The following MGRN1 variants were observed in gnomAD, a reference collection of about 807,000 sequenced individuals.
MGRN1 encodes the protein mahogunin ring finger 1, also known as E3 ubiquitin-protein ligase MGRN1.
MGRN1 carries 29 observed loss-of-function variants against 69.2 expected under a neutral mutation model. The ratio of observed to expected loss-of-function variants is 0.42; its 90% CI spans 0.31 to 0.57. The LOEUF (loss-of-function observed/expected upper bound fraction) is 0.57, where lower values mean the gene tolerates loss of function less well. Among genes scored for constraint, MGRN1 ranks in the 20% least tolerant of loss-of-function variants. The pLI is 0.15. For synonymous variants in MGRN1, 470 were observed against 344.2 expected (o/e 1.37, Z -4.04); for missense variants, 998 against 796.2 (o/e 1.25, Z -3.05).
In MGRN1 at chr16:4,665,106, G is replaced by A. The variant is rs2078771676; in HGVS notation, c.633G>A (p.Val211=). ...IQAVVDEGDV[V]EVTGHAHVLL... is the part of the protein sequence containing the mutation. The stretch of plus-strand genomic sequence containing the variant: ...CTGCCCCTCTCTCCCCAGCAGTGGT[G>A]GAAGTGACTGGCCACGCCCACGTGC... Residue 211 remains valine, a synonymous_variant, in exon 7 of 17, where the codon GTG becomes GTA. Coordinates refer to ENST00000262370, the MANE Select transcript of MGRN1 (RefSeq NM_015246.4). 6.2e-7 allele frequency: 1 copy of A among 1,614,196 alleles called. No individual in the cohort carries two copies. Among genetic ancestry groups the A allele is most frequent in the South Asian group, 1.1e-5 (1 of 91,088 alleles).
chr16:4,672,442 G>A (rs1253308409), intron 9 of MGRN1: 1 of 456,740 alleles, frequency 2.2e-6, no homozygotes, highest in Admixed American at 2.3e-5. Flanking sequence ...TATGGCATCT[G>A]GGCCCAGGAC....
At chr16:4,647,620 C>G (rs578169419) in intron 1 of MGRN1, among the ~76,000 whole-genome samples, 5 of 152,212 alleles carry the variant, frequency 3.3e-5, no homozygotes, top group African/African-American at 9.7e-5. Flanking sequence ...GCGGTGACCC[C>G]TCAGAAAATG....
In MGRN1 at chr16:4,656,528, G is replaced by A. The variant is rs147707548; in HGVS notation, c.444-718G>A. ...GGACAGCAGGCCTCTGGGAGCAGGC[G>A]TGAGGGTTGGGGAAGATGCATTTTG... On this transcript the variant is annotated intron_variant, in intron 4 of 16. Coordinates refer to ENST00000262370, the MANE Select transcript of MGRN1 (RefSeq NM_015246.4). 1.5e-3 allele frequency among the ~76,000 whole-genome samples: 232 copies of A among 152,376 alleles called. 1 individual carries two copies. Among genetic ancestry groups the A allele is most frequent in the African/African-American group, 4.8e-3 (199 of 41,584 alleles).
chr16:4,683,881 A>G lies in MGRN1; in HGVS notation c.1567A>G (p.Ser523Gly), dbSNP rs1302476598. 8.1e-6 allele frequency: 13 copies of G among 1,600,932 alleles called. No homozygotes were observed. The highest frequency in any genetic ancestry group is 7.7e-5 in the South Asian group (7 of 90,840). Reference protein sequence around the residue: ...AASIENVLQDSSPEHCGRGPP... With the variant: ...AASIENVLQDGSPEHCGRGPP... ...TTCCATTGAGAATGTCCTGCAGGAC[A>G]GCAGCCCCGAGCACTGTGGCCGAGG... Residue 523 changes from serine to glycine, a missense_variant, in exon 16 of 17, where the codon AGC becomes GGC. Physicochemically the swap from Ser to Gly is moderately conservative, Grantham distance 56. Coordinates refer to ENST00000262370, the MANE Select transcript of MGRN1 (RefSeq NM_015246.4).
chr16:4,647,174 A>G (rs1433353632), intron 1 of MGRN1, among the ~76,000 whole-genome samples: 2 of 152,148 alleles, frequency 1.3e-5, no homozygotes, highest in East Asian at 1.9e-4. Flanking sequence ...CGAGTCCTTC[A>G]TGTGGTTTTC....
chr16:4,665,176 T>C (rs756275932), intron 7 of MGRN1, 25 bp downstream of exon 7: 7 of 1,613,794 alleles, frequency 4.3e-6, no homozygotes, highest in Non-Finnish European at 5.9e-6. Flanking sequence ...GCCATCACTT[T>C]CCCGGGGACC....
At chr16:4,626,457 C>T (rs1701026302) in intron 1 of MGRN1, among the ~76,000 whole-genome samples, 2 of 152,314 alleles carry the variant, frequency 1.3e-5, no homozygotes, top group Middle Eastern at 3.4e-3. Flanking sequence ...GTTGCTTAAC[C>T]CCCTGGGTCC....
intron 9 of MGRN1, among the ~76,000 whole-genome samples, chr16:4,673,142 A>G (rs2078978397): frequency 6.6e-6 from 1 of 152,056 alleles, no homozygotes; most frequent in African/African-American, 2.4e-5. Context: ...CTGACCATTA[A>G]CTTGGTTTTT....
intron 5 of MGRN1, 143 bp from the exon 6 acceptor site, chr16:4,664,566 C>G: frequency 2.6e-6 from 2 of 779,790 alleles, no homozygotes; most frequent in South Asian, 1.6e-5. Context: ...CATCCGCCTT[C>G]CCTGCCATCT....
intron 1 of MGRN1, among the ~76,000 whole-genome samples, chr16:4,637,726 G>A (rs1279019632): frequency 1.3e-5 from 2 of 152,246 alleles, no homozygotes; most frequent in Admixed American, 1.3e-4. Context: ...CGTGTGTGAG[G>A]CCATCGCCAC....
chr16:4,672,184 G>A (rs188168541), intron 9 of MGRN1, among the ~76,000 whole-genome samples: 2 of 152,104 alleles, frequency 1.3e-5, no homozygotes. Flanking sequence ...GATTACAGGC[G>A]TGAACCACCG....
At chr16:4,681,278 G>T (rs2079176550) in intron 12 of MGRN1, 6 of 480,578 alleles carry the variant, frequency 1.2e-5, no homozygotes, top group Non-Finnish European at 1.8e-5. Context: ...GGAGGGGCTG[G>T]TTGAGGCCAG....
At chr16:4,662,695 G>T (rs1209404309) in intron 5 of MGRN1, among the ~76,000 whole-genome samples, 1 of 152,182 alleles carries the variant, frequency 6.6e-6, no homozygotes, top group African/African-American at 2.4e-5. Context: ...GAGGGAGGAG[G>T]GCCTGAGATG....
chr16:4,670,327 C>T (rs536547035), intron 8 of MGRN1, among the ~76,000 whole-genome samples: 34 of 152,332 alleles, frequency 2.2e-4, no homozygotes, highest in Non-Finnish European at 3.8e-4. Context: ...ACTGTAGCCT[C>T]CACCTCCTGG....
intron 4 of MGRN1, among the ~76,000 whole-genome samples, chr16:4,653,392 C>T (rs1231473867): frequency 6.6e-6 from 1 of 152,224 alleles, no homozygotes; most frequent in African/African-American, 2.4e-5. Flanking sequence ...GGCTTCATCA[C>T]GTAGGCAGGA....
intron 16 of MGRN1, among the ~76,000 whole-genome samples, chr16:4,684,851 C>A (rs183020187): frequency 3.3e-5 from 5 of 152,252 alleles, no homozygotes; most frequent in Non-Finnish European, 5.9e-5. Flanking sequence ...GTGGCTCTTC[C>A]CTCGCGGCTG....
chr16:4,669,132 C>A (rs1411330088), intron 8 of MGRN1: 1 of 152,290 alleles, frequency 6.6e-6, no homozygotes, highest in African/African-American at 2.4e-5. Context: ...TTGCTGCTGC[C>A]TTTGAAATAA....
intron 1 of MGRN1, among the ~76,000 whole-genome samples, chr16:4,644,519 A>G (rs896705921): frequency 1.3e-5 from 2 of 151,986 alleles, no homozygotes; most frequent in Admixed American, 1.3e-4. Context: ...CATTATGGTC[A>G]GGCTGGTCTC....
chr16:4,642,405 C>T (rs1467457486), intron 1 of MGRN1, among the ~76,000 whole-genome samples: 1 of 152,020 alleles, frequency 6.6e-6, no homozygotes, highest in African/African-American at 2.4e-5. Flanking sequence ...TCAAGCGATT[C>T]TCCTGCCTCA....
Sources: gnomAD v4.1 joint callset for allele counts (sites outside exome capture counted in the v4.1 genomes callset) on GRCh38, gnomAD v4.1.1 for gene constraint, MANE v1.5 for transcripts, NCBI Gene and HGNC (gene_info 2026-07-23, HGNC 2026-07-21) for gene names.